KCNMB2: variants seen among roughly 807,000 people sequenced by gnomAD.
KCNMB2 encodes calcium-activated potassium channel subunit beta-2.
In KCNMB2, 9 loss-of-function variants were observed where a neutral mutation model predicts 24.5. The observed-to-expected ratio is 0.37, with a 90% confidence interval of 0.22 to 0.64. The LOEUF (loss-of-function observed/expected upper bound fraction) is 0.64, where lower values mean the gene tolerates loss of function less well. Ranked by LOEUF, KCNMB2 falls within the 30% of genes least tolerant of loss-of-function variation. The pLI, the probability that KCNMB2 is intolerant of heterozygous loss-of-function variation, is 0.63. For synonymous variants in KCNMB2, 109 were observed against 104.4 expected (o/e 1.04, Z -0.27); for missense variants, 226 against 284.3 (o/e 0.79, Z 1.47).
intron 1 of KCNMB2, among the ~76,000 whole-genome samples, chr3:178,772,190 C>G (rs1366923088): frequency 2.0e-5 from 3 of 152,290 alleles, no homozygotes; most frequent in South Asian, 2.1e-4. Context: ...AATTCGTTAT[C>G]TTTATCTCTT....
At chr3:178,593,757 A>G (rs545288020) in intron 1 of KCNMB2, among the ~76,000 whole-genome samples, 1 of 151,410 alleles carries the variant, frequency 6.6e-6, no homozygotes, top group African/African-American at 2.4e-5. Flanking sequence ...TGTCCTTCCA[A>G]CAGGTCATCC....
chr3:178,640,519 C>T (rs1239926010), intron 1 of KCNMB2, among the ~76,000 whole-genome samples: 1 of 152,126 alleles, frequency 6.6e-6, no homozygotes, highest in African/African-American at 2.4e-5. Flanking sequence ...CTGGGTATTA[C>T]AATTTGACAT....
chr3:178,628,393 G>A (rs1719194404), intron 1 of KCNMB2, among the ~76,000 whole-genome samples: 1 of 152,128 alleles, frequency 6.6e-6, no homozygotes. Context: ...CAATTAAAGT[G>A]CATTTAACTT....
At position 178,571,356 on chromosome 3, in the gene KCNMB2, T is replaced by A. The variant is rs529928327; in HGVS notation, c.-68+34645T>A. On this transcript the variant is annotated intron_variant, in intron 1 of 4. Coordinates refer to ENST00000452583, the MANE Select transcript of KCNMB2 (RefSeq NM_181361.3). Reference sequence around the variant, plus strand: ...TCCCCTTTTGATCAAGATCTAATAATGTGTTACATAAATATATGGTGAATA... The same window carrying A: ...TCCCCTTTTGATCAAGATCTAATAAAGTGTTACATAAATATATGGTGAATA... Among the ~76,000 whole-genome samples the A allele has an allele frequency of 1.9e-3, 278 of 150,014 alleles. 1 individual carries two copies. Among genetic ancestry groups the A allele is most frequent in the South Asian group, 0.015 (70 of 4,716 alleles).
At position 178,553,101 on chromosome 3, in the gene KCNMB2, T is replaced by A. The variant is rs528391793; in HGVS notation, c.-68+16390T>A. 2.6e-5 allele frequency among the ~76,000 whole-genome samples: 4 copies of A among 152,320 alleles called. No homozygotes were observed. In the South Asian group the frequency reaches 8.3e-4, roughly 32 times the overall value. ...ATTCATTCATAATCACAAAAGAAAA[T>A]CAATTTTAATAAAACATTAAAATGA... On this transcript the variant is annotated intron_variant, in intron 1 of 4. Coordinates refer to ENST00000452583, the MANE Select transcript of KCNMB2 (RefSeq NM_181361.3).
intron 3 of KCNMB2, among the ~76,000 whole-genome samples, chr3:178,827,721 C>G (rs1180054768): frequency 6.6e-6 from 1 of 152,228 alleles, no homozygotes; most frequent in Non-Finnish European, 1.5e-5. Flanking sequence ...TCTCTCCCCT[C>G]CTTCTCCCTC....
Position 178,792,309 on chromosome 3 carries a change from T to C in KCNMB2, c.-67-15034T>C, listed in dbSNP as rs112520855. Among the ~76,000 whole-genome samples, 438 of 152,264 alleles carry C rather than the reference T, an allele frequency of 2.9e-3. 5 individuals are homozygous for C. The highest frequency in any genetic ancestry group is 9.8e-3 in the African/African-American group (408 of 41,556). ...CTTATTTGTCTGCTTGTTGTTTTTG[T>C]TTGTTTTTGAAATCAGTGTTAAGTT... On this transcript the variant is annotated intron_variant, in intron 1 of 4. Transcript: ENST00000452583.
chr3:178,599,467 T>C (rs550258580), intron 1 of KCNMB2, among the ~76,000 whole-genome samples: 3 of 152,298 alleles, frequency 2.0e-5, no homozygotes, highest in African/African-American at 7.2e-5. Context: ...GTATGTGCTA[T>C]CAAAACAATA....
intron 4 of KCNMB2, among the ~76,000 whole-genome samples, chr3:178,838,570 C>CA (rs10706377): frequency 9.1e-4 from 120 of 132,346 alleles, no homozygotes; most frequent in Middle Eastern, 7.8e-3. Context: ...TACAGCTCAG[C>CA]AAAAAAAAAA....
chr3:178,575,861 C>T (rs1217130979), intron 1 of KCNMB2, among the ~76,000 whole-genome samples: 1 of 152,164 alleles, frequency 6.6e-6, no homozygotes, highest in Admixed American at 6.5e-5. Flanking sequence ...ACTGTGAACA[C>T]TGTTTAAAAT....
At chr3:178,752,975 C>A (rs1182172024) in intron 1 of KCNMB2, among the ~76,000 whole-genome samples, 1 of 152,132 alleles carries the variant, frequency 6.6e-6, no homozygotes, top group Non-Finnish European at 1.5e-5. Context: ...CTATGGGCCC[C>A]AAGCATTAGG....
rs1433098263 is a variant in KCNMB2, at chr3:178,620,654, A to C, written c.-68+83943A>C. ...ACTTACCAGGTTCCCACCTCTTCAT[A>C]CCATCATTTTACACGTTAGGATTTC... On this transcript the variant is annotated intron_variant, in intron 1 of 4. Transcript: ENST00000452583. Among the ~76,000 whole-genome samples, 10 of 152,318 alleles carry C rather than the reference A, an allele frequency of 6.6e-5. No homozygotes were observed. The South Asian group carries it at 8.3e-4, about 13-fold the overall frequency.
intron 1 of KCNMB2, among the ~76,000 whole-genome samples, chr3:178,724,072 C>T (rs1443278508): frequency 1.3e-5 from 2 of 152,184 alleles, no homozygotes; most frequent in Non-Finnish European, 2.9e-5. Flanking sequence ...CTGCTTTCCC[C>T]AGGGGCTGAA....
chr3:178,744,115 T>C (rs534128654), intron 1 of KCNMB2, among the ~76,000 whole-genome samples: 2 of 152,336 alleles, frequency 1.3e-5, no homozygotes, highest in South Asian at 4.1e-4. Flanking sequence ...TTGAAATGTC[T>C]ATGATCAGGG....
At chr3:178,722,782 A>G (rs2108360022) in intron 1 of KCNMB2, among the ~76,000 whole-genome samples, 1 of 152,244 alleles carries the variant, frequency 6.6e-6, no homozygotes, top group East Asian at 1.9e-4. Flanking sequence ...GGTCCCAGTT[A>G]CTCAGCAGGC....
At chr3:178,703,659 T>G (rs1202510572) in intron 1 of KCNMB2, among the ~76,000 whole-genome samples, 5 of 152,178 alleles carry the variant, frequency 3.3e-5, no homozygotes, top group Non-Finnish European at 5.9e-5. Flanking sequence ...AAAATATATA[T>G]AGCATAAATG....
chr3:178,701,324 T>G (rs889569833), intron 1 of KCNMB2, among the ~76,000 whole-genome samples: 6 of 152,330 alleles, frequency 3.9e-5, no homozygotes, highest in Non-Finnish European at 5.9e-5. Context: ...ATATCTCTGT[T>G]TTGGTACCAG....
At chr3:178,828,062 T>C (rs1714903664) in intron 3 of KCNMB2, 116 bp from the exon 4 acceptor site, 5 of 781,732 alleles carry the variant, frequency 6.4e-6, no homozygotes, top group Non-Finnish European at 1.0e-5. Context: ...ATAGATCATA[T>C]TAGAGATTTA....
rs3052259 is a variant in KCNMB2, at chr3:178,607,649, GTGTA to G, written c.-68+70942_-68+70945del. Among the ~76,000 whole-genome samples the G allele has an allele frequency of 9.7e-3, 1,480 of 152,014 alleles. 29 individuals carry two copies. The highest frequency in any genetic ancestry group is 0.034 in the African/African-American group (1,421 of 41,376). The stretch of plus-strand genomic sequence containing the variant: ...CATGCGTGTGTGTGTGTGTGTGTGT[GTGTA>G]TGTGTGCATAAACACATACAAGTTT... On this transcript the variant is annotated intron_variant, in intron 1 of 4. Coordinates refer to ENST00000452583, the MANE Select transcript of KCNMB2 (RefSeq NM_181361.3).
Sources: gnomAD v4.1 joint callset for allele counts (sites outside exome capture counted in the v4.1 genomes callset) on GRCh38, gnomAD v4.1.1 for gene constraint, MANE v1.5 for transcripts, NCBI Gene and HGNC (gene_info 2026-07-23, HGNC 2026-07-21) for gene names.